Variants in VPS13D observed in about 807,000 individuals in gnomAD.
VPS13D encodes vacuolar protein sorting 13 homolog D, also known as intermembrane lipid transfer protein VPS13D.
In VPS13D, 187 loss-of-function variants were observed where a neutral mutation model predicts 461.9. That is an observed-to-expected ratio of 0.40 (90% CI 0.36 to 0.46). The LOEUF (loss-of-function observed/expected upper bound fraction) is 0.46. Among genes scored for constraint, VPS13D ranks in the 20% least tolerant of loss-of-function variants. VPS13D has a pLI of 0.60. For synonymous variants in VPS13D, 1,951 were observed against 1,986.3 expected (o/e 0.98, Z 0.47); for missense variants, 4,711 against 5,364.9 (o/e 0.88, Z 3.81).
chr1:12,311,097 G>A (rs1321639849), intron 27 of VPS13D, among the ~76,000 whole-genome samples: 4 of 151,640 alleles, frequency 2.6e-5, no homozygotes, highest in African/African-American at 7.3e-5. Flanking sequence ...TGCATTTTTT[G>A]TAGAGATGGG....
chr1:12,268,619 CTGTT>C, intron 15 of VPS13D, 83 bp from the exon 16 acceptor site: 1 of 1,385,524 alleles, frequency 7.2e-7, no homozygotes, highest in Non-Finnish European at 9.8e-7. Flanking sequence ...TAGAAAATGT[CTGTT>C]TTTCCAGAAT....
chr1:12,312,044 A>G, intron 29 of VPS13D, 119 bp downstream of exon 29: 2 of 805,856 alleles, frequency 2.5e-6, no homozygotes, highest in Non-Finnish European at 3.9e-6. Context: ...TGTTGTCTGC[A>G]GAGTGTCTTT....
chr1:12,413,344 C>T (rs890548657), intron 63 of VPS13D, among the ~76,000 whole-genome samples: 26 of 151,456 alleles, frequency 1.7e-4, no homozygotes, highest in East Asian at 7.8e-4. Context: ...ATCAGCTGGG[C>T]GTGGTGGTAT....
chr1:12,486,751 C>T (rs963479613), intron 67 of VPS13D, among the ~76,000 whole-genome samples: 2 of 152,210 alleles, frequency 1.3e-5, no homozygotes, highest in African/African-American at 4.8e-5. Flanking sequence ...AGTTCCACTG[C>T]GGACTGCCGC....
chr1:12,361,407 T>TTTA (rs1643947290), intron 50 of VPS13D, among the ~76,000 whole-genome samples: 172 of 145,464 alleles, frequency 1.2e-3, no homozygotes, highest in Middle Eastern at 3.5e-3. Context: ...TTATTTATTT[T>TTTA]TTTTTTGAGA....
In VPS13D at chr1:12,260,015, C is replaced by CT. The variant is rs70987243; in HGVS notation, c.1111-650dup. Among the ~76,000 whole-genome samples, 420 of 72,764 alleles carry CT rather than the reference C, an allele frequency of 5.8e-3. 46 individuals carry two copies. The highest frequency in any genetic ancestry group is 0.028 in the Middle Eastern group (2 of 72). 47.7% of individuals were successfully genotyped at this position (72,764 alleles called of 152,430 possible). On this transcript the variant is annotated intron_variant, in intron 10 of 69. Coordinates refer to ENST00000620676, the MANE Select transcript of VPS13D (RefSeq NM_015378.4). ...TGCAATAGTCCATATGCTTTAGTGA[C>CT]TTTTTTTTTTTTTTTTTTTTTTTTT...
At chr1:12,268,985 A>C (rs1641355480) in intron 16 of VPS13D, 109 bp downstream of exon 16, 7 of 1,262,438 alleles carry the variant, frequency 5.5e-6, no homozygotes, top group African/African-American at 3.0e-5. Context: ...GTGACAAAAA[A>C]GGCCTGCAGA....
chr1:12,400,962 G>GCGCGCGCGCGCGCACACA (rs1253464149), intron 61 of VPS13D, among the ~76,000 whole-genome samples: 5 of 106,218 alleles, frequency 4.7e-5, no homozygotes, highest in African/African-American at 1.7e-4. Flanking sequence ...CTGCGCGCGC[G>GCGCGCGCGCGCGCACACA]CACACACACA....
At chr1:12,265,904 A>G (rs1007027936) in intron 13 of VPS13D, among the ~76,000 whole-genome samples, 1 of 152,220 alleles carries the variant, frequency 6.6e-6, no homozygotes, top group Non-Finnish European at 1.5e-5. Flanking sequence ...CACGCCTGTA[A>G]TCCCAGCACT....
At chr1:12,409,051 C>G (rs1474507739) in intron 63 of VPS13D, among the ~76,000 whole-genome samples, 1 of 151,960 alleles carries the variant, frequency 6.6e-6, no homozygotes, top group Non-Finnish European at 1.5e-5. Context: ...AGTATTTTTT[C>G]TTCAGCTTTT....
intron 57 of VPS13D, among the ~76,000 whole-genome samples, chr1:12,379,857 C>A (rs1349208866): frequency 6.6e-6 from 1 of 151,942 alleles, no homozygotes; most frequent in Non-Finnish European, 1.5e-5. Context: ...CAAGCTCCGC[C>A]TCCCGGGTTC....
intron 65 of VPS13D, among the ~76,000 whole-genome samples, chr1:12,437,375 G>A (rs1025379652): frequency 6.6e-6 from 1 of 152,162 alleles, no homozygotes; most frequent in African/African-American, 2.4e-5. Flanking sequence ...ACGAAAGGAG[G>A]GAGGGGGGCA....
intron 65 of VPS13D, among the ~76,000 whole-genome samples, chr1:12,433,261 A>G (rs1384960400): frequency 1.3e-5 from 2 of 150,336 alleles, no homozygotes; most frequent in African/African-American, 5.0e-5. Flanking sequence ...GCTTGGGGAA[A>G]AAAAAAAAAC....
chr1:12,290,692 C>T (rs897413409), intron 22 of VPS13D, among the ~76,000 whole-genome samples: 1 of 150,228 alleles, frequency 6.7e-6, no homozygotes, highest in African/African-American at 2.5e-5. Flanking sequence ...CACTGTACTC[C>T]AGCCTGGGCG....
intron 30 of VPS13D, among the ~76,000 whole-genome samples, chr1:12,314,581 T>G (rs1329190599): frequency 6.6e-6 from 1 of 152,228 alleles, no homozygotes; most frequent in South Asian, 2.1e-4. Context: ...ATCAATCTCC[T>G]TGTAAGCTGT....
Position 12,273,774 on chromosome 1 carries a change from T to TC in VPS13D, c.2236+641dup, listed in dbSNP as rs527448657. Among the ~76,000 whole-genome samples, 521 of 152,344 alleles carry TC rather than the reference T, an allele frequency of 3.4e-3. 2 individuals carry two copies. The highest frequency in any genetic ancestry group is 6.1e-3 in the Non-Finnish European group (415 of 68,044). ...GAATAATAGTCCATCGTGTGGCTGT[T>TC]CCGCGTTTTGTTTATCCTTTCATTT... On this transcript the variant is annotated intron_variant, in intron 18 of 69. Transcript: ENST00000620676.
rs746924809 is a variant in VPS13D at position 12,304,562 on chromosome 1, G to A, written c.6273G>A (p.Thr2091=). The change falls in exon 26 of 70, where the codon ACG becomes ACA. Residue 2091 remains threonine (T), a synonymous_variant. Coordinates refer to ENST00000620676, the MANE Select transcript of VPS13D (RefSeq NM_015378.4). The part of the protein sequence containing the change: ...TGIPKHSLRK[T]TSTEEPRGTH... ...TTCCCAAACACAGTCTGAGGAAAAC[G>A]ACAAGCACGGAGGAGCCCAGGGGAA... The A allele has an allele frequency of 9.3e-6, 15 of 1,613,954 alleles. No individual in the cohort carries two copies. The African/African-American group carries it at 1.9e-4, about 20-fold the overall frequency.
chr1:12,244,217 G>T (rs1452630724), intron 3 of VPS13D, 29 bp from the exon 4 acceptor site: 1 of 1,586,444 alleles, frequency 6.3e-7, no homozygotes, highest in Admixed American at 1.9e-5. Context: ...GTGTACAGAT[G>T]GTGAACAAGA....
At chr1:12,368,174 T>TAC (rs1331621819) in intron 52 of VPS13D, among the ~76,000 whole-genome samples, 6 of 152,318 alleles carry the variant, frequency 3.9e-5, no homozygotes, top group South Asian at 4.1e-4. Context: ...TCTGTATATA[T>TAC]ACACACACAC....
Sources: gnomAD v4.1 joint callset for allele counts (sites outside exome capture counted in the v4.1 genomes callset) on GRCh38, gnomAD v4.1.1 for gene constraint, MANE v1.5 for transcripts, NCBI Gene and HGNC (gene_info 2026-07-23, HGNC 2026-07-21) for gene names.